C16orf46: variants seen among roughly 807,000 people sequenced by gnomAD.
The protein encoded by C16orf46 is uncharacterized protein C16orf46.
In C16orf46, 7 loss-of-function variants were observed where a neutral mutation model predicts 5.5. That is an observed-to-expected ratio of 1.28 (90% CI 0.73 to 2.40). The LOEUF is 2.40. Among genes scored for constraint, C16orf46 ranks in the 30% most tolerant of loss-of-function variants. C16orf46 has a pLI of 0.00. For synonymous variants in C16orf46, 200 were observed against 184.1 expected, an observed-to-expected ratio of 1.09 and a Z score of -0.70; for missense variants, 614 against 476.0, an observed-to-expected ratio of 1.29 and a Z score of -2.70.
chr16:81,068,805 G>C (rs1210741407), intron 1 of C16orf46, among the ~76,000 whole-genome samples: 11 of 152,138 alleles, frequency 7.2e-5, no homozygotes, highest in African/African-American at 2.7e-4. Flanking sequence ...GGGTTCAAGT[G>C]ATTCTTGTGC....
At chr16:81,054,879 C>T (rs1274392294) in intron 3 of C16orf46, among the ~76,000 whole-genome samples, 52 of 152,146 alleles carry the variant, frequency 3.4e-4, no homozygotes, top group Admixed American at 3.4e-3. Context: ...AACTCCTGAC[C>T]TCAAGTGATT....
At chr16:81,055,214 T>A (rs1243939011) in intron 3 of C16orf46, 1 of 152,162 alleles carries the variant, frequency 6.6e-6, no homozygotes, top group Non-Finnish European at 1.5e-5. Context: ...TCAGAGGACA[T>A]GCAGATTGGA....
At position 81,053,956 on chromosome 16, in the gene C16orf46, C is replaced by G. The variant is rs1971222891; in HGVS notation, c.*115G>C. ...TACTGCTTCTGCTTGCAGCGTTTGA[C>G]TCTCTGCTTTCTGGTGATCCGCCGC... is the stretch of plus-strand genomic sequence containing the variant. On this transcript the variant is annotated 3_prime_UTR_variant, in exon 4 of 4. Coordinates refer to the C16orf46 transcript ENST00000378611. 21 of 1,129,250 alleles carry G rather than the reference C, an allele frequency of 1.9e-5. No homozygotes were observed. The South Asian group carries it at 2.5e-4, about 14-fold the overall frequency. The allele number at this position is 1,129,250 out of a possible 1,614,324, so 70.0% of individuals were successfully genotyped here. A position where few individuals can be genotyped will look rare whatever the true frequency, so the allele number is the denominator to read the frequency against.
Position 81,061,780 on chromosome 16 carries a change from C to A in C16orf46, c.569G>T (p.Ser190Ile), listed in dbSNP as rs1252641131. ...GGACAGCCCTCTGTGGGCCCCTCCA[C>A]TGGGATTCCCAGAGGCCTTGCCCCT... Reference protein sequence around the residue: ...TNRGKASGNPSGGAHRGLSIP... With the variant: ...TNRGKASGNPIGGAHRGLSIP... Residue 190 changes from serine to isoleucine, a missense_variant, in exon 4 of 4, where the codon AGT (serine) becomes ATT (isoleucine). Transcript: ENST00000299578. The A allele has an allele frequency of 6.2e-7, 1 of 1,613,950 alleles. No homozygotes were observed. Among genetic ancestry groups the A allele is most frequent in the Non-Finnish European group, 8.5e-7 (1 of 1,179,926 alleles).
chr16:81,057,462 T>C (rs958699235), downstream of C16orf46, among the ~76,000 whole-genome samples: 3 of 150,504 alleles, frequency 2.0e-5, no homozygotes, highest in African/African-American at 7.4e-5. Context: ...GGCAGGAGAA[T>C]TGCTTGAACC....
At chr16:81,073,515 T>G (rs1306172352) in intron 1 of C16orf46, among the ~76,000 whole-genome samples, 1 of 152,184 alleles carries the variant, frequency 6.6e-6, no homozygotes, top group Non-Finnish European at 1.5e-5. Flanking sequence ...ATGAATAGGA[T>G]GAAATATAAC....
At chr16:81,057,415 T>G (rs35096487), downstream of C16orf46, among the ~76,000 whole-genome samples, 16,868 of 151,444 alleles carry the variant, frequency 0.11, 1,040 homozygotes, top group East Asian at 0.26. Flanking sequence ...TGGGCATGGT[T>G]GTGCACACCT....
intron 2 of C16orf46, among the ~76,000 whole-genome samples, chr16:81,064,954 C>G (rs1971606400): frequency 6.6e-6 from 1 of 152,130 alleles, no homozygotes; most frequent in African/African-American, 2.4e-5. Context: ...CGTACATTGT[C>G]ATGACGCCCC....
At chr16:81,062,537 T>C (rs1348539376) in intron 3 of C16orf46, among the ~76,000 whole-genome samples, 1 of 152,228 alleles carries the variant, frequency 6.6e-6, no homozygotes, top group Non-Finnish European at 1.5e-5. Context: ...TAAAATAAAA[T>C]GAAAACCGTT....
intron 1 of C16orf46, among the ~76,000 whole-genome samples, chr16:81,070,723 T>G (rs1056350598): frequency 2.0e-5 from 3 of 152,206 alleles, no homozygotes; most frequent in African/African-American, 4.8e-5. Context: ...GTTTTGCTCT[T>G]GTTGCCCATG....
In C16orf46 at chr16:81,061,635, C is replaced by T; in HGVS notation, c.714G>A (p.Glu238=). Residue 238 remains glutamate (E), a synonymous_variant, in exon 4 of 4, where the codon GAG becomes GAA. Coordinates refer to ENST00000299578, the MANE Select transcript of C16orf46 (RefSeq NM_152337.3). ...KSKNSFLQSE[E]KVLDVEKDGC... is the part of the protein sequence containing the mutation. ...CATCCTTTTCCACATCCAGCACCTT[C>T]TCTTCTGACTGCAAGAAAGAGTTCT... The T allele has an allele frequency of 2.5e-6, 4 of 1,614,198 alleles. No individual in the cohort carries two copies.
downstream of C16orf46, among the ~76,000 whole-genome samples, chr16:81,058,293 C>A (rs1257315922): frequency 3.9e-5 from 6 of 152,120 alleles, no homozygotes; most frequent in Non-Finnish European, 8.8e-5. Flanking sequence ...TTACTTATTG[C>A]AGTGAACACT....
intron 1 of C16orf46, chr16:81,076,499 A>G (rs1972045504): frequency 6.6e-6 from 1 of 152,272 alleles, no homozygotes; most frequent in South Asian, 2.1e-4. Flanking sequence ...CGATCAGACC[A>G]CATCTATTCC....
chr16:81,074,987 T>C (rs1971979943), intron 1 of C16orf46, among the ~76,000 whole-genome samples: 1 of 152,226 alleles, frequency 6.6e-6, no homozygotes, highest in African/African-American at 2.4e-5. Flanking sequence ...ATTAATTTGA[T>C]GAGGATGCCT....
At chr16:81,072,765 G>T (rs1013766205) in intron 1 of C16orf46, among the ~76,000 whole-genome samples, 1 of 152,040 alleles carries the variant, frequency 6.6e-6, no homozygotes, top group Non-Finnish European at 1.5e-5. Flanking sequence ...GCAATTGCAT[G>T]ATCTCGGCTC....
chr16:81,066,520 G>C (rs868653862), intron 1 of C16orf46, among the ~76,000 whole-genome samples: 1 of 152,078 alleles, frequency 6.6e-6, no homozygotes, highest in South Asian at 2.1e-4. Context: ...TTTTGTAACT[G>C]TCGAGTTTTA....
chr16:81,076,949 A>C (rs1417557308), intron 1 of C16orf46, 187 bp downstream of exon 1: 1 of 151,774 alleles, frequency 6.6e-6, no homozygotes, highest in Non-Finnish European at 1.5e-5. Flanking sequence ...TTCCGCTCCC[A>C]ACGGATCCTC....
At chr16:81,072,189 T>G (rs1416271488) in intron 1 of C16orf46, 1 of 152,276 alleles carries the variant, frequency 6.6e-6, no homozygotes. Context: ...AGCCATGAGA[T>G]CTGAGGAACT....
intron 1 of C16orf46, among the ~76,000 whole-genome samples, chr16:81,067,222 G>T (rs1971679966): frequency 6.6e-6 from 1 of 152,140 alleles, no homozygotes; most frequent in Non-Finnish European, 1.5e-5. Context: ...ATACAAAAAG[G>T]AAATGATCAG....
Sources: gnomAD v4.1 joint callset for allele counts (sites outside exome capture counted in the v4.1 genomes callset) on GRCh38, gnomAD v4.1.1 for gene constraint, MANE v1.5 for transcripts, NCBI Gene and HGNC (gene_info 2026-07-23, HGNC 2026-07-21) for gene names.